RAP1GDS1: variants seen among roughly 807,000 people sequenced by gnomAD.
The protein encoded by RAP1GDS1 is RAP1, GTP-GDP dissociation stimulator 1.
RAP1GDS1 carries 35 observed loss-of-function variants against 71.1 expected under a neutral mutation model. That is an observed-to-expected ratio of 0.49 (90% confidence interval 0.38 to 0.65). The LOEUF (loss-of-function observed/expected upper bound fraction) is 0.65, where lower values mean the gene tolerates loss of function less well. RAP1GDS1 is among the 30% of genes least tolerant of loss of function. RAP1GDS1 has a pLI of 0.00. For missense variants in RAP1GDS1, 663 were observed against 706.1 expected (o/e 0.94, Z 0.69); for synonymous variants, 229 against 243.1 (o/e 0.94, Z 0.54).
chr4:98,427,818 A>T (rs1011397752), intron 12 of RAP1GDS1, among the ~76,000 whole-genome samples: 1 of 152,214 alleles, frequency 6.6e-6, no homozygotes, highest in Non-Finnish European at 1.5e-5. Flanking sequence ...TGTAGGTCCC[A>T]TTAAAATACC....
intron 4 of RAP1GDS1, among the ~76,000 whole-genome samples, chr4:98,374,793 G>T (rs1421654744): frequency 6.6e-6 from 1 of 152,080 alleles, no homozygotes; most frequent in Non-Finnish European, 1.5e-5. Context: ...ACTTTCCTTA[G>T]TGTTCTTGCT....
rs1192330603 is a variant in RAP1GDS1 at position 98,437,050 on chromosome 4, T to C, written c.1678T>C (p.Cys560Arg). 1.9e-6 allele frequency: 3 copies of C among 1,604,872 alleles called. No individual in the cohort carries two copies. The highest frequency in any genetic ancestry group is 2.5e-6 in the Non-Finnish European group (3 of 1,177,396). The change falls in exon 14 of 15, where the codon TGT becomes CGT. Residue 560 changes from cysteine (C) to arginine (R), a missense_variant. Coordinates refer to ENST00000408927, the MANE Select transcript of RAP1GDS1 (RefSeq NM_001100427.2). The part of the protein sequence containing the change: ...EIKYNSMVLI[C>R]ALMGSECLHK... ...CAAATATAATTCCATGGTCCTGATA[T>C]GTGCTCTTATGGGATCTGGTAAGTA...
chr4:98,395,666 A>G (rs913825741), intron 6 of RAP1GDS1, among the ~76,000 whole-genome samples: 1 of 152,128 alleles, frequency 6.6e-6, no homozygotes, highest in African/African-American at 2.4e-5. Context: ...CTGTTAACCA[A>G]CCCTTTTTAA....
chr4:98,402,754 A>G (rs749744427), intron 6 of RAP1GDS1, among the ~76,000 whole-genome samples: 19 of 152,166 alleles, frequency 1.2e-4, no homozygotes, highest in Non-Finnish European at 2.8e-4. Flanking sequence ...ATTCATTTAC[A>G]TGTTCATTTA....
chr4:98,406,965 G>C (rs368904343), intron 7 of RAP1GDS1, among the ~76,000 whole-genome samples: 2 of 151,992 alleles, frequency 1.3e-5, no homozygotes, highest in Admixed American at 6.6e-5. Flanking sequence ...CAGATCTTAC[G>C]TGTTACAAGT....
chr4:98,340,259 AT>A (rs745643983), intron 2 of RAP1GDS1, among the ~76,000 whole-genome samples: 30 of 152,324 alleles, frequency 2.0e-4, no homozygotes, highest in Middle Eastern at 3.4e-3. Flanking sequence ...AAGACATGGA[AT>A]CAACTTAAGC....
chr4:98,336,036 T>A (rs751141442), intron 2 of RAP1GDS1, among the ~76,000 whole-genome samples: 21 of 152,186 alleles, frequency 1.4e-4, no homozygotes, highest in Non-Finnish European at 2.9e-4. Flanking sequence ...AATCTCTTTA[T>A]CTTTATTTAC....
rs1745850323 is a variant in RAP1GDS1 at position 98,404,455 on chromosome 4, GTTTTTC to G, written c.638-16_638-11del. On this transcript the variant is annotated splice_polypyrimidine_tract_variant and intron_variant, in intron 6 of 14. Transcript: ENST00000408927. ...AGTTTCTGGACTTTATTTGGTTTAA[GTTTTTC>G]TTTTTTATTTTACAGAGTCAAGTAA... 2 of 1,559,754 alleles carry G rather than the reference GTTTTTC, an allele frequency of 1.3e-6. No homozygotes were observed. The highest frequency in any genetic ancestry group is 2.2e-5 in the Admixed American group (1 of 45,338).
chr4:98,431,705 A>G (rs1421516416), intron 12 of RAP1GDS1, among the ~76,000 whole-genome samples: 1 of 152,206 alleles, frequency 6.6e-6, no homozygotes, highest in Non-Finnish European at 1.5e-5. Context: ...ATATCTAGCT[A>G]ATGAGATTTT....
In RAP1GDS1 at chr4:98,443,592, A is replaced by G. The variant is rs1752128335; in HGVS notation, c.*1475A>G. The G allele has an allele frequency of 4.6e-6, 1 of 219,760 alleles. No individual in the cohort carries two copies. Among genetic ancestry groups the G allele is most frequent in the African/African-American group, 2.2e-5 (1 of 44,580 alleles). 13.6% of individuals were successfully genotyped at this position (219,760 alleles called of 1,614,324 possible). ...TGCTACACATCTCTGTGGATAATCT[A>G]AGTTGGACTTTTGACTCTAAAACAG... On this transcript the variant is annotated 3_prime_UTR_variant, in exon 15 of 15. Coordinates refer to ENST00000408927, the MANE Select transcript of RAP1GDS1 (RefSeq NM_001100427.2).
intron 13 of RAP1GDS1, 45 bp from the exon 14 acceptor site, chr4:98,436,895 G>C (rs1751214129): frequency 6.8e-7 from 1 of 1,479,950 alleles, no homozygotes. Context: ...TTATCCTGAG[G>C]ATACTGGGTT....
intron 13 of RAP1GDS1, among the ~76,000 whole-genome samples, chr4:98,435,899 G>A (rs1488011630): frequency 2.0e-5 from 3 of 151,388 alleles, no homozygotes; most frequent in South Asian, 2.1e-4. Context: ...GTGAAACCCC[G>A]TCTCTACTAA....
chr4:98,355,678 A>G (rs1737852038), intron 4 of RAP1GDS1, among the ~76,000 whole-genome samples: 1 of 152,230 alleles, frequency 6.6e-6, no homozygotes, highest in Non-Finnish European at 1.5e-5. Context: ...GTGAGCTCCA[A>G]CTGTAGAAAG....
At chr4:98,434,304 C>A (rs1750853703) in intron 13 of RAP1GDS1, among the ~76,000 whole-genome samples, 1 of 152,166 alleles carries the variant, frequency 6.6e-6, no homozygotes, top group Non-Finnish European at 1.5e-5. Context: ...AATAATGTCT[C>A]AAGTTACAGC....
At chr4:98,430,255 T>A (rs1033046092) in intron 12 of RAP1GDS1, among the ~76,000 whole-genome samples, 1 of 152,176 alleles carries the variant, frequency 6.6e-6, no homozygotes, top group East Asian at 1.9e-4. Flanking sequence ...AACTTTATAG[T>A]TACATATTAC....
At chr4:98,282,114 C>T (rs1209039031) in intron 1 of RAP1GDS1, among the ~76,000 whole-genome samples, 8 of 152,160 alleles carry the variant, frequency 5.3e-5, no homozygotes, top group African/African-American at 1.9e-4. Flanking sequence ...CAGGATGATG[C>T]TGGCCTCATA....
intron 2 of RAP1GDS1, among the ~76,000 whole-genome samples, chr4:98,323,170 A>C (rs1732279631): frequency 6.8e-6 from 1 of 147,464 alleles, no homozygotes; most frequent in Non-Finnish European, 1.5e-5. Flanking sequence ...TAGAAAATCT[A>C]GAAGAAATGG....
chr4:98,340,027 T>C (rs2110389881), intron 2 of RAP1GDS1, among the ~76,000 whole-genome samples: 1 of 150,886 alleles, frequency 6.6e-6, no homozygotes, highest in Non-Finnish European at 1.5e-5. Context: ...AGTCAAAAAA[T>C]AAAAGATGGT....
chr4:98,408,125 G>A lies in RAP1GDS1; in HGVS notation c.763+3523G>A, dbSNP rs568471239. 6.1e-5 allele frequency among the ~76,000 whole-genome samples: 9 copies of A among 147,864 alleles called. No homozygotes were observed. The South Asian group carries it at 8.6e-4, about 14-fold the overall frequency. On this transcript the variant is annotated intron_variant, in intron 7 of 14. Transcript: ENST00000408927. ...ATATATTTTTTTTTTTCCCTCCCCCGCAAGATGGAGTCTCACTCTGTCACC... is the reference window on the plus strand; with the variant it reads ...ATATATTTTTTTTTTTCCCTCCCCCACAAGATGGAGTCTCACTCTGTCACC...
Sources: gnomAD v4.1 joint callset for allele counts (sites outside exome capture counted in the v4.1 genomes callset) on GRCh38, gnomAD v4.1.1 for gene constraint, MANE v1.5 for transcripts, NCBI Gene and HGNC (gene_info 2026-07-23, HGNC 2026-07-21) for gene names.